The following AFF3 variants were observed in gnomAD, a reference collection of about 807,000 sequenced individuals.
AFF3 encodes ALF transcription elongation factor 3.
Under a neutral mutation model 129.7 loss-of-function variants are expected in AFF3, and 32 were observed. The observed-to-expected ratio is 0.25, with a 90% CI of 0.19 to 0.33. The LOEUF is 0.33. Among genes scored for constraint, AFF3 ranks in the 10% least tolerant of loss-of-function variants. The pLI, the probability that AFF3 is intolerant of heterozygous loss-of-function variation, is 1.00. For missense variants in AFF3, 1,373 were observed against 1,592.0 expected, an observed-to-expected ratio of 0.86 and a Z score of 2.34; for synonymous variants, 644 against 635.4, an observed-to-expected ratio of 1.01 and a Z score of -0.20.
At chr2:99,994,528 TAGAC>T (rs1036951062) in intron 7 of AFF3, among the ~76,000 whole-genome samples, 1 of 152,146 alleles carries the variant, frequency 6.6e-6, no homozygotes, top group African/African-American at 2.4e-5. Flanking sequence ...AATTAGAAAT[TAGAC>T]AGAAAAATAT....
chr2:99,619,735 C>G (rs1369794105), intron 13 of AFF3, among the ~76,000 whole-genome samples: 1 of 152,200 alleles, frequency 6.6e-6, no homozygotes, highest in African/African-American at 2.4e-5. Flanking sequence ...CGCCTCACTC[C>G]TCTGATGGCT....
At chr2:100,128,152 T>C (rs1028961062) in intron 2 of AFF3, among the ~76,000 whole-genome samples, 1 of 152,178 alleles carries the variant, frequency 6.6e-6, no homozygotes, top group Non-Finnish European at 1.5e-5. Flanking sequence ...TAGCGTATCA[T>C]CCAGAAATAG....
intron 1 of AFF3, among the ~76,000 whole-genome samples, chr2:100,138,633 G>A (rs1692725184): frequency 6.6e-6 from 1 of 152,136 alleles, no homozygotes; most frequent in African/African-American, 2.4e-5. Flanking sequence ...GGGCTTGGGA[G>A]AAAGGTGAAA....
intron 4 of AFF3, among the ~76,000 whole-genome samples, chr2:100,070,424 A>G (rs1266014636): frequency 1.3e-5 from 2 of 152,322 alleles, no homozygotes; most frequent in African/African-American, 4.8e-5. Flanking sequence ...TGGAGCAGTC[A>G]TGTTTATGCT....
At chr2:99,616,339 G>A (rs977429122) in intron 13 of AFF3, among the ~76,000 whole-genome samples, 15 of 151,346 alleles carry the variant, frequency 9.9e-5, no homozygotes, top group Non-Finnish European at 1.6e-4. Flanking sequence ...AGAGCTCTTT[G>A]ACTTTTTTTT....
rs571143746 is a variant in AFF3, at chr2:99,977,707, T to C, written c.873+28925A>G. On this transcript the variant is annotated intron_variant, in intron 7 of 24. Coordinates refer to ENST00000672756, the MANE Select transcript of AFF3 (RefSeq NM_001386135.1). ...ACCTTCAGATTGGGCTCAAGAGCCTTTGTGTGGACCCAAAAGGGGAACCCT... is the reference window on the plus strand; with the variant it reads ...ACCTTCAGATTGGGCTCAAGAGCCTCTGTGTGGACCCAAAAGGGGAACCCT... Among the ~76,000 whole-genome samples the C allele has an allele frequency of 7.9e-5, 12 of 152,300 alleles. 1 individual carries two copies. The East Asian group carries it at 2.3e-3, about 29-fold the overall frequency.
chr2:99,857,868 T>C (rs540381054), intron 7 of AFF3, among the ~76,000 whole-genome samples: 1 of 152,354 alleles, frequency 6.6e-6, no homozygotes, highest in African/African-American at 2.4e-5. Flanking sequence ...AATGACTTTT[T>C]TCCCCTGACA....
chr2:100,028,412 G>T lies in AFF3; in HGVS notation c.54-19480C>A, dbSNP rs1390926537. 2.0e-5 allele frequency among the ~76,000 whole-genome samples: 3 copies of T among 151,862 alleles called. No individual in the cohort carries two copies. In the East Asian group the frequency reaches 5.8e-4, roughly 29 times the overall value. On this transcript the variant is annotated intron_variant, in intron 4 of 24. Coordinates refer to ENST00000672756, the MANE Select transcript of AFF3 (RefSeq NM_001386135.1). ...GAAGAAACCTAACATGTAATAATCA[G>T]AAAATAATTAAAACATTATGTAGCT...
At chr2:99,685,720 T>C (rs1674991337) in intron 11 of AFF3, among the ~76,000 whole-genome samples, 1 of 152,216 alleles carries the variant, frequency 6.6e-6, no homozygotes. Flanking sequence ...TAAGTGGGAA[T>C]GTACACTTCT....
At chr2:99,747,755 T>C (rs10199818) in intron 9 of AFF3, among the ~76,000 whole-genome samples, 112,282 of 151,990 alleles carry the variant, frequency 0.74, 42,334 homozygotes, top group East Asian at 0.92. Flanking sequence ...AAGTCTTCTG[T>C]AGGAGAGGCA....
chr2:99,659,998 A>T (rs1407975836), intron 12 of AFF3, among the ~76,000 whole-genome samples: 1 of 152,302 alleles, frequency 6.6e-6, no homozygotes, highest in East Asian at 1.9e-4. Flanking sequence ...TGCAGGCCAG[A>T]CCTTGAGCAA....
intron 4 of AFF3, among the ~76,000 whole-genome samples, chr2:100,010,154 T>C (rs1682383578): frequency 6.6e-6 from 1 of 152,192 alleles, no homozygotes; most frequent in Admixed American, 6.5e-5. Flanking sequence ...AGGTAATCTA[T>C]AAAATGGCTT....
intron 7 of AFF3, among the ~76,000 whole-genome samples, chr2:99,877,924 A>G (rs2105997833): frequency 6.6e-6 from 1 of 152,302 alleles, no homozygotes; most frequent in South Asian, 2.1e-4. Context: ...TACTGAAGGC[A>G]CTAAAAAAAT....
chr2:99,873,247 T>C (rs1430628418), intron 7 of AFF3, among the ~76,000 whole-genome samples: 1 of 152,342 alleles, frequency 6.6e-6, no homozygotes, highest in East Asian at 1.9e-4. Context: ...TGGCATTTTT[T>C]AAAAACTGGG....
chr2:100,044,105 C>A (rs1685647286), intron 4 of AFF3, among the ~76,000 whole-genome samples: 1 of 152,314 alleles, frequency 6.6e-6, no homozygotes, highest in Admixed American at 6.5e-5. Context: ...GGAATGAACA[C>A]ATGGAGGAGT....
At chr2:99,998,870 G>C (rs1681112396) in intron 7 of AFF3, among the ~76,000 whole-genome samples, 1 of 152,106 alleles carries the variant, frequency 6.6e-6, no homozygotes. Context: ...GGGGCCAATG[G>C]GTGTTTCTAA....
intron 4 of AFF3, among the ~76,000 whole-genome samples, chr2:100,030,516 T>C (rs940132153): frequency 1.4e-4 from 21 of 152,194 alleles, no homozygotes; most frequent in Admixed American, 1.3e-4. Context: ...CTCCTAGATA[T>C]CTACCCAATT....
At position 99,680,381 on chromosome 2, in the gene AFF3, G is replaced by T. The variant is rs1485219003; in HGVS notation, c.1092-7792C>A. On this transcript the variant is annotated intron_variant, in intron 11 of 24. Coordinates refer to ENST00000672756, the MANE Select transcript of AFF3 (RefSeq NM_001386135.1). ...AGTATTAAAGAATTGAGTTTCTAAG[G>T]CTAAATGAATGCAAGTAGTGTGTGA... Among the ~76,000 whole-genome samples the T allele has an allele frequency of 4.6e-5, 7 of 152,258 alleles. No homozygotes were observed. In the East Asian group the frequency reaches 1.4e-3, roughly 29 times the overall value.
chr2:99,763,890 C>T (rs1372237090), intron 8 of AFF3, among the ~76,000 whole-genome samples: 3 of 152,114 alleles, frequency 2.0e-5, no homozygotes, highest in Non-Finnish European at 2.9e-5. Flanking sequence ...GGTCTTATAC[C>T]GACCCACTGG....
Sources: allele counts gnomAD v4.1 joint callset (sites outside exome capture counted in the v4.1 genomes callset), GRCh38; gene constraint gnomAD v4.1.1; transcripts MANE v1.5; gene names NCBI Gene and HGNC (gene_info 2026-07-23, HGNC 2026-07-21).